The following INPP4B variants were observed in gnomAD, a reference collection of about 807,000 sequenced individuals.
INPP4B encodes the protein inositol polyphosphate-4-phosphatase type II B.
INPP4B carries 55 observed loss-of-function variants against 122.5 expected under a neutral mutation model. The observed-to-expected ratio is 0.45, with a 90% confidence interval of 0.36 to 0.56. INPP4B has a LOEUF of 0.56. INPP4B is among the 20% of genes least tolerant of loss of function. The probability of loss-of-function intolerance (pLI) is 0.00; values close to 1 mark genes in which losing one functional copy is unlikely to be tolerated. For missense variants in INPP4B, 1,000 were observed against 1,097.7 expected, an observed-to-expected ratio of 0.91 and a Z score of 1.26; for synonymous variants, 403 against 388.7, an observed-to-expected ratio of 1.04 and a Z score of -0.43.
chr4:142,330,557 GCACACA>G (rs147805476), intron 7 of INPP4B, among the ~76,000 whole-genome samples: 1 of 151,752 alleles, frequency 6.6e-6, no homozygotes, highest in Admixed American at 6.6e-5. Flanking sequence ...ACACGCGCAC[GCACACA>G]CACACATATT....
chr4:142,457,823 T>A (rs1815798396), intron 3 of INPP4B, among the ~76,000 whole-genome samples: 1 of 152,170 alleles, frequency 6.6e-6, no homozygotes, highest in Non-Finnish European at 1.5e-5. Flanking sequence ...CTCAAACTCT[T>A]GAGCTCAAGC....
chr4:142,752,005 T>C (rs960027601), intron 1 of INPP4B, among the ~76,000 whole-genome samples: 5 of 152,122 alleles, frequency 3.3e-5, no homozygotes, highest in Admixed American at 2.0e-4. Context: ...CCACTTAACA[T>C]CTGTGGAACA....
At chr4:142,545,821 GTATA>G (rs70949172) in intron 2 of INPP4B, among the ~76,000 whole-genome samples, 2 of 111,894 alleles carry the variant, frequency 1.8e-5, no homozygotes, top group Non-Finnish European at 1.7e-5. Context: ...ATACATGTGT[GTATA>G]TATATATATA....
intron 3 of INPP4B, among the ~76,000 whole-genome samples, chr4:142,444,551 CTG>C (rs1812495943): frequency 6.6e-6 from 1 of 151,966 alleles, no homozygotes; most frequent in Admixed American, 6.6e-5. Context: ...TCCCACCACA[CTG>C]TTGGTGGGAG....
intron 15 of INPP4B, among the ~76,000 whole-genome samples, chr4:142,176,049 C>A (rs1828020209): frequency 6.6e-6 from 1 of 151,500 alleles, no homozygotes; most frequent in African/African-American, 2.4e-5. Flanking sequence ...CGTGGCTTAG[C>A]CTTTGGAAAG....
intron 2 of INPP4B, among the ~76,000 whole-genome samples, chr4:142,711,442 G>A (rs1763107301): frequency 1.3e-5 from 2 of 151,720 alleles, no homozygotes; most frequent in Admixed American, 6.6e-5. Flanking sequence ...CCAGCATCTA[G>A]AATCAGTGGC....
In INPP4B at chr4:142,377,955, G is replaced by A. The variant is rs141799603; in HGVS notation, c.372+24983C>T. Among the ~76,000 whole-genome samples, 21 of 152,152 alleles carry A rather than the reference G, an allele frequency of 1.4e-4. No individual in the cohort carries two copies. The South Asian group carries it at 1.5e-3, about 11-fold the overall frequency. Reference sequence around the variant, plus strand: ...AAGCAACCTTTTGGAGTCAGATACCGTCAAACTGCTAAATCTTATCTTGGA... The same window carrying A: ...AAGCAACCTTTTGGAGTCAGATACCATCAAACTGCTAAATCTTATCTTGGA... On this transcript the variant is annotated intron_variant, in intron 7 of 25. Coordinates refer to ENST00000262992, the MANE Select transcript of INPP4B (RefSeq NM_001101669.3).
intron 2 of INPP4B, among the ~76,000 whole-genome samples, chr4:142,606,807 A>C (rs562961805): frequency 7.2e-5 from 11 of 152,150 alleles, no homozygotes; most frequent in African/African-American, 2.4e-4. Flanking sequence ...ACTGCAAATG[A>C]CAATTTCAAT....
chr4:142,204,796 G>A (rs538905949), intron 14 of INPP4B, among the ~76,000 whole-genome samples: 3 of 151,988 alleles, frequency 2.0e-5, no homozygotes, highest in Non-Finnish European at 4.4e-5. Flanking sequence ...AGGAAGGGAC[G>A]AGGAAGGATT....
At position 142,399,229 on chromosome 4, in the gene INPP4B, G is replaced by A. The variant is rs536731677; in HGVS notation, c.372+3709C>T. ...TTTTTTTTTTTTGAGTCGGAGTCTC[G>A]CTCTGTCACCAGGCTGGAGTGCAGT... On this transcript the variant is annotated intron_variant, in intron 7 of 25. Coordinates refer to ENST00000262992, the MANE Select transcript of INPP4B (RefSeq NM_001101669.3). Among the ~76,000 whole-genome samples the A allele has an allele frequency of 9.1e-5, 10 of 109,316 alleles. No homozygotes were observed. In the East Asian group the frequency reaches 9.6e-4, roughly 11 times the overall value. The allele number at this position is 109,316 out of a possible 152,430, so 71.7% of individuals were successfully genotyped here. A position where few individuals can be genotyped will look rare whatever the true frequency, so the allele number is the denominator to read the frequency against.
chr4:142,142,400 T>A (rs181560622), intron 18 of INPP4B, among the ~76,000 whole-genome samples: 18 of 152,064 alleles, frequency 1.2e-4, no homozygotes, highest in African/African-American at 4.3e-4. Flanking sequence ...TTAGTTAGAG[T>A]GTCTTTTGTT....
chr4:142,342,701 T>G (rs1779085590), intron 7 of INPP4B, among the ~76,000 whole-genome samples: 1 of 152,160 alleles, frequency 6.6e-6, no homozygotes, highest in South Asian at 2.1e-4. Context: ...ATGTAACAAT[T>G]TCAAAATAGA....
At chr4:142,410,806 A>G (rs1315657080) in intron 5 of INPP4B, among the ~76,000 whole-genome samples, 1 of 152,200 alleles carries the variant, frequency 6.6e-6, no homozygotes, top group Admixed American at 6.5e-5. Flanking sequence ...TTAAATTATT[A>G]TTGACATTAA....
intron 2 of INPP4B, among the ~76,000 whole-genome samples, chr4:142,510,576 A>G (rs1432559695): frequency 6.6e-6 from 1 of 152,210 alleles, no homozygotes; most frequent in Non-Finnish European, 1.5e-5. Context: ...ATTTGTAGGT[A>G]GCTCAGATGC....
chr4:142,744,636 T>A (rs59622373), intron 1 of INPP4B, among the ~76,000 whole-genome samples: 1 of 151,774 alleles, frequency 6.6e-6, no homozygotes, highest in East Asian at 1.9e-4. Context: ...ATCTTTAACA[T>A]GCTGAAAAAA....
intron 1 of INPP4B, among the ~76,000 whole-genome samples, chr4:142,752,931 G>T (rs1020902925): frequency 7.9e-5 from 12 of 152,202 alleles, no homozygotes; most frequent in African/African-American, 2.9e-4. Context: ...CACTTCCTAA[G>T]TATCTCTTTG....
Position 142,208,943 on chromosome 4 carries a change from A to C in INPP4B, c.920T>G (p.Met307Arg). ...RKNVLTHCDQ[M>R]VNMYQDILTE... The stretch of plus-strand genomic sequence containing the variant: ...CAGAATGTCTTGGTACATATTCACC[A>C]TTTGATCACAGTGAGTAAGGACATT... Residue 307 changes from methionine to arginine, a missense_variant, in exon 13 of 26, where the codon ATG becomes AGG. Coordinates refer to ENST00000262992, the MANE Select transcript of INPP4B (RefSeq NM_001101669.3). 6.2e-7 allele frequency: 1 copy of C among 1,603,042 alleles called. No homozygotes were observed. Among genetic ancestry groups the C allele is most frequent in the Non-Finnish European group, 8.5e-7 (1 of 1,172,974 alleles).
intron 7 of INPP4B, among the ~76,000 whole-genome samples, chr4:142,353,100 C>T (rs891517886): frequency 4.0e-5 from 6 of 151,764 alleles, no homozygotes; most frequent in Non-Finnish European, 7.4e-5. Flanking sequence ...CCACTAAATG[C>T]GTACTTTTTA....
At chr4:142,764,540 A>G (rs1007253265) in intron 1 of INPP4B, among the ~76,000 whole-genome samples, 32 of 152,146 alleles carry the variant, frequency 2.1e-4, no homozygotes, top group Admixed American at 1.3e-4. Flanking sequence ...TGTGAACATA[A>G]CCATCTTGTT....
Sources: allele counts gnomAD v4.1 joint callset (sites outside exome capture counted in the v4.1 genomes callset), GRCh38; gene constraint gnomAD v4.1.1; transcripts MANE v1.5; gene names NCBI Gene and HGNC (gene_info 2026-07-23, HGNC 2026-07-21).